The following IL6ST variants were observed in gnomAD, a reference collection of about 807,000 sequenced individuals.
IL6ST encodes interleukin-6 receptor subunit beta.
In IL6ST, 24 loss-of-function variants were observed where a neutral mutation model predicts 91.3. The ratio of observed to expected loss-of-function variants is 0.26; its 90% confidence interval spans 0.19 to 0.37. The LOEUF (loss-of-function observed/expected upper bound fraction) is 0.37, where lower values mean the gene tolerates loss of function less well. Among genes scored for constraint, IL6ST ranks in the 10% least tolerant of loss-of-function variants. IL6ST has a pLI of 1.00. For synonymous variants in IL6ST, 351 were observed against 373.6 expected (o/e 0.94, Z 0.70); for missense variants, 914 against 1,078.5 (o/e 0.85, Z 2.14).
intron 11 of IL6ST, among the ~76,000 whole-genome samples, chr5:55,952,864 C>G (rs1369469530): frequency 6.6e-6 from 1 of 152,114 alleles, no homozygotes; most frequent in Non-Finnish European, 1.5e-5. Context: ...GAGTTTGAGA[C>G]CAGCATGGCC....
At position 55,938,531 on chromosome 5, in the gene IL6ST, T is replaced by C. The variant is rs1309846905; in HGVS notation, c.*2551A>G. 5.0e-6 allele frequency: 1 copy of C among 199,410 alleles called. No homozygotes were observed. Among genetic ancestry groups the C allele is most frequent in the African/African-American group, 2.3e-5 (1 of 43,416 alleles). The allele number at this position is 199,410 out of a possible 1,614,324, so 12.4% of individuals were successfully genotyped here. A position where few individuals can be genotyped will look rare whatever the true frequency, so the allele number is the denominator to read the frequency against. ...GGAGCAACTGCAGGTGCAGAAGCAG[T>C]GAGTGAACTAGTTTTGTCCAGACAA... On this transcript the variant is annotated 3_prime_UTR_variant, in exon 17 of 17. Transcript: ENST00000381298.
At position 55,937,530 on chromosome 5, in the gene IL6ST, AAAG is replaced by A. The variant is rs1389593394; in HGVS notation, c.*3549_*3551del. On this transcript the variant is annotated 3_prime_UTR_variant, in exon 17 of 17. Transcript: ENST00000381298. ...AGGAACTGCTGCCAAGGACCAGTCC[AAAG>A]AAGAATTAGGCTGTAAGACTGCTAG... 3 of 208,420 alleles carry A rather than the reference AAAG, an allele frequency of 1.4e-5. No homozygotes were observed. Among genetic ancestry groups the A allele is most frequent in the South Asian group, 1.9e-4 (1 of 5,340 alleles). The allele number at this position is 208,420 out of a possible 1,614,324, so 12.9% of individuals were successfully genotyped here. A position where few individuals can be genotyped will look rare whatever the true frequency, so the allele number is the denominator to read the frequency against.
chr5:55,972,696 A>C (rs1753031557), intron 3 of IL6ST, among the ~76,000 whole-genome samples: 1 of 152,044 alleles, frequency 6.6e-6, no homozygotes, highest in Non-Finnish European at 1.5e-5. Context: ...AAGATGAAGA[A>C]ATGTGAATTA....
chr5:55,956,369 A>G, intron 9 of IL6ST, 134 bp from the exon 10 acceptor site: 1 of 615,566 alleles, frequency 1.6e-6, no homozygotes, highest in Non-Finnish European at 2.8e-6. Flanking sequence ...CACAATCTCC[A>G]TTTTAAATTT....
chr5:55,951,317 T>C lies in IL6ST; in HGVS notation c.1840+147A>G, dbSNP rs561768425. On this transcript the variant is annotated intron_variant, in intron 14 of 16. Transcript: ENST00000381298. ...AAAAGGTGAGGAATAACACTTTCTATAAAGAAACCACCAACCAAAGCCAGA... is the reference window on the plus strand; with the variant it reads ...AAAAGGTGAGGAATAACACTTTCTACAAAGAAACCACCAACCAAAGCCAGA... 9.2e-6 allele frequency: 6 copies of C among 649,214 alleles called. No homozygotes were observed. The East Asian group carries it at 1.7e-4, about 18-fold the overall frequency. The allele number at this position is 649,214 out of a possible 1,614,324, so 40.2% of individuals were successfully genotyped here. A position where few individuals can be genotyped will look rare whatever the true frequency, so the allele number is the denominator to read the frequency against.
At chr5:55,971,876 ATG>A (rs1054636573) in intron 3 of IL6ST, among the ~76,000 whole-genome samples, 1 of 152,202 alleles carries the variant, frequency 6.6e-6, no homozygotes, top group African/African-American at 2.4e-5. Context: ...CAGAGCTGGA[ATG>A]TGTATTTCTT....
At chr5:55,980,015 T>C (rs1580856549) in intron 2 of IL6ST, among the ~76,000 whole-genome samples, 1 of 152,182 alleles carries the variant, frequency 6.6e-6, no homozygotes, top group African/African-American at 2.4e-5. Flanking sequence ...ATTGTTAAGG[T>C]ACAGAACAAC....
rs140104062 is a variant in IL6ST, at chr5:55,986,267, G to A, written c.-103-3456C>T. ...TTCTCCTTGCAGTTTTTACCCTGTT[G>A]TGTTTTGAAACTATGTTATTTGGTA... On this transcript the variant is annotated intron_variant, in intron 1 of 16. Coordinates refer to ENST00000381298, the MANE Select transcript of IL6ST (RefSeq NM_002184.4). Among the ~76,000 whole-genome samples the A allele has an allele frequency of 1.5e-4, 23 of 152,250 alleles. No homozygotes were observed. The East Asian group carries it at 4.1e-3, about 27-fold the overall frequency.
In IL6ST at chr5:55,942,666, T is replaced by G. The variant is rs778124697; in HGVS notation, c.2019+4A>C. Reference sequence around the variant, plus strand: ...ATAAACAACTCAGAAGCATTTTCTCTTACCCTTGGAGGAGTGTGAGGTGAC... The same window carrying G: ...ATAAACAACTCAGAAGCATTTTCTCGTACCCTTGGAGGAGTGTGAGGTGAC... On this transcript the variant is annotated splice_donor_region_variant and intron_variant, in intron 16 of 16. Coordinates refer to ENST00000381298, the MANE Select transcript of IL6ST (RefSeq NM_002184.4). 1.0e-5 allele frequency: 16 copies of G among 1,552,172 alleles called. No individual in the cohort carries two copies. The highest frequency in any genetic ancestry group is 1.3e-5 in the Non-Finnish European group (15 of 1,125,362).
chr5:55,986,845 G>A (rs187473879), intron 1 of IL6ST, among the ~76,000 whole-genome samples: 4 of 152,182 alleles, frequency 2.6e-5, no homozygotes, highest in Admixed American at 2.6e-4. Context: ...AGACCTTTGT[G>A]CTATTTTAGC....
intron 3 of IL6ST, among the ~76,000 whole-genome samples, chr5:55,974,746 A>G (rs939917385): frequency 1.3e-5 from 2 of 152,094 alleles, no homozygotes; most frequent in Non-Finnish European, 2.9e-5. Context: ...TCGGCCTCCC[A>G]AAGTGCTTGG....
At chr5:55,941,877 C>A (rs1300231723) in intron 16 of IL6ST, 58 bp from the exon 17 acceptor site, 1 of 1,445,102 alleles carries the variant, frequency 6.9e-7, no homozygotes, top group South Asian at 1.3e-5. Context: ...AGAGCTAATG[C>A]ATCTCTGAAA....
intron 14 of IL6ST, among the ~76,000 whole-genome samples, chr5:55,949,337 T>C (rs182526314): frequency 6.6e-6 from 1 of 152,144 alleles, no homozygotes; most frequent in East Asian, 1.9e-4. Context: ...TAGCCAGGCA[T>C]GGTGGTGCCT....
rs10440616 is a variant in IL6ST, at chr5:55,937,749, T to C, written c.*3333A>G. 3.2e-3 allele frequency: 613 copies of C among 193,386 alleles called. 6 individuals are homozygous for C. Among genetic ancestry groups the C allele is most frequent in the African/African-American group, 0.01 (440 of 43,260 alleles). 12.0% of individuals were successfully genotyped at this position (193,386 alleles called of 1,614,324 possible). A position where few individuals can be genotyped will look rare whatever the true frequency, so the allele number is the denominator to read the frequency against. ...ATCCCAGTAAATTTTTTTTGAACAA[T>C]TGAACTTTTGTCTTATGCAGCTTAT... is the stretch of plus-strand genomic sequence containing the variant. On this transcript the variant is annotated 3_prime_UTR_variant, in exon 17 of 17. Coordinates refer to ENST00000381298, the MANE Select transcript of IL6ST (RefSeq NM_002184.4).
Position 55,943,780 on chromosome 5 carries a change from C to A in IL6ST, c.1938-1029G>T, listed in dbSNP as rs957364140. On this transcript the variant is annotated intron_variant, in intron 15 of 16. Coordinates refer to ENST00000381298, the MANE Select transcript of IL6ST (RefSeq NM_002184.4). Reference sequence around the variant, plus strand: ...AGTAGTAGTAAAGGGGAAAAAAAAACACAAAGCGGCTGGGCGCGGTGGCTC... The same window carrying A: ...AGTAGTAGTAAAGGGGAAAAAAAAAAACAAAGCGGCTGGGCGCGGTGGCTC... 2.0e-5 allele frequency among the ~76,000 whole-genome samples: 3 copies of A among 152,066 alleles called. No homozygotes were observed. In the East Asian group the frequency reaches 5.8e-4, roughly 29 times the overall value.
intron 16 of IL6ST, 58 bp from the exon 17 acceptor site, chr5:55,941,877 C>T (rs1300231723): frequency 2.1e-6 from 3 of 1,444,982 alleles, no homozygotes; most frequent in Admixed American, 2.0e-5. Context: ...AGAGCTAATG[C>T]ATCTCTGAAA....
intron 5 of IL6ST, 70 bp from the exon 6 acceptor site, chr5:55,964,382 T>A: frequency 1.8e-6 from 2 of 1,117,352 alleles, no homozygotes; most frequent in Non-Finnish European, 2.6e-6. Context: ...AAAAAATTAC[T>A]TGCAAAGAGT....
chr5:55,935,463 C>A lies in IL6ST; in HGVS notation c.*5619G>T, dbSNP rs891109246. 2.6e-5 allele frequency: 5 copies of A among 190,748 alleles called. No homozygotes were observed. Among genetic ancestry groups the A allele is most frequent in the Non-Finnish European group, 3.1e-5 (3 of 98,198 alleles). 11.8% of individuals were successfully genotyped at this position (190,748 alleles called of 1,614,324 possible). ...TGAGTTGAAAGGTACATTTTCCTCCCTTGATGGAGACAGAACTTTTCTATG... is the reference window on the plus strand; with the variant it reads ...TGAGTTGAAAGGTACATTTTCCTCCATTGATGGAGACAGAACTTTTCTATG... On this transcript the variant is annotated 3_prime_UTR_variant, in exon 17 of 17. Transcript: ENST00000381298.
chr5:55,993,818 G>T (rs995341170), intron 1 of IL6ST, among the ~76,000 whole-genome samples: 1 of 152,064 alleles, frequency 6.6e-6, no homozygotes, highest in Non-Finnish European at 1.5e-5. Context: ...TTAACATAAT[G>T]GCACACAGCT....
Sources: gnomAD v4.1 joint callset for allele counts (sites outside exome capture counted in the v4.1 genomes callset) on GRCh38, gnomAD v4.1.1 for gene constraint, MANE v1.5 for transcripts, NCBI Gene and HGNC (gene_info 2026-07-23, HGNC 2026-07-21) for gene names.